IKBIP: variants seen among roughly 807,000 people sequenced by gnomAD.
IKBIP encodes IKBKB interacting protein, also known as inhibitor of nuclear factor kappa-B kinase-interacting protein.
IKBIP carries 28 observed loss-of-function variants against 31.0 expected under a neutral mutation model. That is an observed-to-expected ratio of 0.90 (90% CI 0.67 to 1.24). The LOEUF is 1.24. Among genes scored for constraint, IKBIP ranks in the 50% most tolerant of loss-of-function variants. IKBIP has a pLI of 0.00. For missense variants in IKBIP, 453 were observed against 441.9 expected, an observed-to-expected ratio of 1.03 and a Z score of -0.23; for synonymous variants, 164 against 160.3, an observed-to-expected ratio of 1.02 and a Z score of -0.17.
At chr12:98,636,528 A>G (rs2097625867) in intron 1 of IKBIP, among the ~76,000 whole-genome samples, 3 of 152,238 alleles carry the variant, frequency 2.0e-5, no homozygotes, top group Admixed American at 2.0e-4. Context: ...GGCTAACCGT[A>G]GCTACAAAAC....
At chr12:98,632,180 A>G (rs1397122967) in intron 2 of IKBIP, among the ~76,000 whole-genome samples, 2 of 151,756 alleles carry the variant, frequency 1.3e-5, no homozygotes, top group East Asian at 3.9e-4. Flanking sequence ...TAAATATGTG[A>G]AGTTTTGGCA....
chr12:98,616,110 A>G (rs1274498803), intron 2 of IKBIP, among the ~76,000 whole-genome samples: 2 of 151,800 alleles, frequency 1.3e-5, no homozygotes, highest in African/African-American at 4.8e-5. Context: ...TCCCACTCAC[A>G]GTGTACGATG....
downstream of IKBIP, among the ~76,000 whole-genome samples, chr12:98,621,175 G>A (rs969847960): frequency 1.3e-5 from 2 of 152,156 alleles, no homozygotes; most frequent in South Asian, 2.1e-4. Context: ...CTTAAACCCA[G>A]GAGACGGAGG....
At chr12:98,617,666 C>T (rs1415510600) in intron 2 of IKBIP, among the ~76,000 whole-genome samples, 1 of 152,106 alleles carries the variant, frequency 6.6e-6, no homozygotes, top group Non-Finnish European at 1.5e-5. Flanking sequence ...TCAGGTAAGA[C>T]TATTTAGCTT....
Position 98,630,376 on chromosome 12 carries a change from C to CAAAAAAAAAAA in IKBIP, c.298-3621_298-3611dup, listed in dbSNP as rs61623957. On this transcript the variant is annotated intron_variant, in intron 2 of 2. Coordinates refer to ENST00000299157, the MANE Select transcript of IKBIP (RefSeq NM_153687.4). ...CCAGCCTGGGCAACAAGAGCCTGGG[C>CAAAAAAAAAAA]AAAAAAAAAAAAAAAAAAAAAAAAA... Among the ~76,000 whole-genome samples the CAAAAAAAAAAA allele has an allele frequency of 8.2e-4, 34 of 41,300 alleles. 6 individuals are homozygous for CAAAAAAAAAAA. Among genetic ancestry groups the CAAAAAAAAAAA allele is most frequent in the African/African-American group, 3.2e-3 (26 of 8,164 alleles). 27.1% of individuals were successfully genotyped at this position (41,300 alleles called of 152,430 possible). A position where few individuals can be genotyped will look rare whatever the true frequency, so the allele number is the denominator to read the frequency against.
At chr12:98,643,288 G>C (rs1294573661) in intron 1 of IKBIP, among the ~76,000 whole-genome samples, 1 of 152,054 alleles carries the variant, frequency 6.6e-6, no homozygotes, top group African/African-American at 2.4e-5. Flanking sequence ...ACACTATTTG[G>C]GATGAGTCAC....
chr12:98,618,498 C>T lies in IKBIP; in HGVS notation c.298-4158G>A, dbSNP rs560097903. Among the ~76,000 whole-genome samples, 301 of 151,878 alleles carry T rather than the reference C, an allele frequency of 2.0e-3. 1 individual carries two copies. The highest frequency in any genetic ancestry group is 6.8e-3 in the African/African-American group (282 of 41,472). On this transcript the variant is annotated intron_variant, in intron 2 of 2. Coordinates refer to the IKBIP transcript ENST00000342502. The stretch of plus-strand genomic sequence containing the variant: ...AAAATTAGCCGGGCGTAGTGGTGGG[C>T]GCCTGTAGTCCCAGCTACTCAGGAG...
chr12:98,633,989 A>G (rs1254682146), intron 2 of IKBIP, among the ~76,000 whole-genome samples: 1 of 152,236 alleles, frequency 6.6e-6, no homozygotes, highest in Non-Finnish European at 1.5e-5. Flanking sequence ...GGCTGTAGAC[A>G]TGATCAACCA....
chr12:98,622,886 A>G (rs1322792900), downstream of IKBIP, among the ~76,000 whole-genome samples: 1 of 144,818 alleles, frequency 6.9e-6, no homozygotes, highest in Non-Finnish European at 1.5e-5. Flanking sequence ...GCAATATTAC[A>G]TTTAAAAATT....
intron 2 of IKBIP, among the ~76,000 whole-genome samples, chr12:98,617,339 A>T (rs2097606845): frequency 6.6e-6 from 1 of 152,204 alleles, no homozygotes; most frequent in African/African-American, 2.4e-5. Flanking sequence ...AAAGCTCTTA[A>T]ATTGTCACCT....
At chr12:98,616,273 G>A (rs1056313045) in intron 2 of IKBIP, among the ~76,000 whole-genome samples, 3 of 151,856 alleles carry the variant, frequency 2.0e-5, no homozygotes, top group Non-Finnish European at 4.4e-5. Flanking sequence ...CCATATACCT[G>A]TTGGCCATTA....
rs990491232 is a variant in IKBIP, at chr12:98,637,742, G to C, written c.180-3329C>G. Among the ~76,000 whole-genome samples the C allele has an allele frequency of 2.7e-5, 4 of 147,560 alleles. No homozygotes were observed. The South Asian group carries it at 8.7e-4, about 32-fold the overall frequency. ...TTTCCTTTTTTTGAGACAGGGTCTC[G>C]CTCTGCTGCCTAGGCTGGAGTGCAG... On this transcript the variant is annotated intron_variant, in intron 1 of 2. Coordinates refer to ENST00000299157, the MANE Select transcript of IKBIP (RefSeq NM_153687.4).
At position 98,642,357 on chromosome 12, in the gene IKBIP, A is replaced by T. The variant is rs565795673; in HGVS notation, c.179+2166T>A. ...TAGAGATAGGGTTTCACCATGTTGG[A>T]CAGGCTGGTCTCAAATTCCTGACCT... is the stretch of plus-strand genomic sequence containing the variant. On this transcript the variant is annotated intron_variant, in intron 1 of 2. Coordinates refer to ENST00000299157, the MANE Select transcript of IKBIP (RefSeq NM_153687.4). Among the ~76,000 whole-genome samples, 37 of 151,310 alleles carry T rather than the reference A, an allele frequency of 2.4e-4. No homozygotes were observed. The South Asian group carries it at 6.0e-3, about 25-fold the overall frequency.
At position 98,625,267 on chromosome 12, in the gene IKBIP, A is replaced by T. The variant is rs975246616; in HGVS notation, c.*663T>A. ...TACTTACTCTGATTTTAAAAGTCTT[A>T]CAAGTATCTGTAACACAGTTTAGAA... is the stretch of plus-strand genomic sequence containing the variant. On this transcript the variant is annotated 3_prime_UTR_variant, in exon 3 of 3. Transcript: ENST00000299157. The T allele has an allele frequency of 1.0e-6, 1 of 982,316 alleles. No homozygotes were observed. The highest frequency in any genetic ancestry group is 6.1e-5 in the Admixed American group (1 of 16,278). 60.8% of individuals were successfully genotyped at this position (982,316 alleles called of 1,614,324 possible).
At position 98,624,587 on chromosome 12, in the gene IKBIP, G is replaced by GT. The variant is rs2153296211; in HGVS notation, c.*1342dup. The GT allele has an allele frequency of 1.1e-6, 1 of 940,470 alleles. No individual in the cohort carries two copies. The highest frequency in any genetic ancestry group is 1.2e-4 in the East Asian group (1 of 8,612). 58.3% of individuals were successfully genotyped at this position (940,470 alleles called of 1,614,324 possible). A position where few individuals can be genotyped will look rare whatever the true frequency, so the allele number is the denominator to read the frequency against. On this transcript the variant is annotated 3_prime_UTR_variant, in exon 3 of 3. Transcript: ENST00000299157. ...CATCAAAAACTGCATTATAAAACTG[G>GT]TAAGGTTATTGACAAAGAAACAAGA...
rs1158568537 is a variant in IKBIP, at chr12:98,625,301, A to G, written c.*629T>C. The stretch of plus-strand genomic sequence containing the variant: ...TGTAACACAGTTTAGAACCTTAACA[A>G]AAACTAAAATGTTTCCCAGGCTTTA... On this transcript the variant is annotated 3_prime_UTR_variant, in exon 3 of 3. Transcript: ENST00000299157. 2.0e-6 allele frequency: 2 copies of G among 983,112 alleles called. No homozygotes were observed. Among genetic ancestry groups the G allele is most frequent in the African/African-American group, 3.5e-5 (2 of 57,230 alleles). 60.9% of individuals were successfully genotyped at this position (983,112 alleles called of 1,614,324 possible).
chr12:98,623,109 G>A (rs959403138), downstream of IKBIP, among the ~76,000 whole-genome samples: 17 of 150,728 alleles, frequency 1.1e-4, no homozygotes, highest in African/African-American at 4.0e-4. Flanking sequence ...CTCCCGAGTA[G>A]CTGGGATTAC....
Position 98,617,366 on chromosome 12 carries a change from C to A in IKBIP, c.298-3026G>T, listed in dbSNP as rs529398026. ...TTGTCACCTTGATTTAACTTGGACA[C>A]ATTAACTGATAAACATTTGGAGCCA... On this transcript the variant is annotated intron_variant, in intron 2 of 2. Coordinates refer to the IKBIP transcript ENST00000342502. Among the ~76,000 whole-genome samples the A allele has an allele frequency of 7.2e-5, 11 of 152,320 alleles. No individual in the cohort carries two copies. The South Asian group carries it at 2.3e-3, about 32-fold the overall frequency.
chr12:98,644,476 C>A, intron 1 of IKBIP, 47 bp downstream of exon 1: 2 of 1,515,688 alleles, frequency 1.3e-6, no homozygotes, highest in East Asian at 5.0e-5. Flanking sequence ...GCCCAAACAG[C>A]AGGGGGCCCA....
Sources: gnomAD v4.1 joint callset for allele counts (sites outside exome capture counted in the v4.1 genomes callset) on GRCh38, gnomAD v4.1.1 for gene constraint, MANE v1.5 for transcripts, NCBI Gene and HGNC (gene_info 2026-07-23, HGNC 2026-07-21) for gene names.